TFDP2: variants seen among roughly 807,000 people sequenced by gnomAD.
TFDP2 encodes transcription factor Dp-2 (E2F dimerization partner 2).
Under a neutral mutation model 59.3 loss-of-function variants are expected in TFDP2, and 17 were observed. The observed-to-expected ratio is 0.29, with a 90% confidence interval of 0.20 to 0.43. The LOEUF (loss-of-function observed/expected upper bound fraction) is 0.43. Ranked by LOEUF, TFDP2 falls within the 20% of genes least tolerant of loss-of-function variation. The pLI is 1.00. For missense variants in TFDP2, 391 were observed against 528.8 expected (o/e 0.74, Z 2.56); for synonymous variants, 180 against 194.7 (o/e 0.92, Z 0.63).
chr3:142,087,455 A>C (rs2060837394), intron 3 of TFDP2, among the ~76,000 whole-genome samples: 1 of 151,896 alleles, frequency 6.6e-6, no homozygotes, highest in Non-Finnish European at 1.5e-5. Context: ...CTGAAACATC[A>C]TTATGCAGCA....
At chr3:142,064,659 C>T (rs553553644) in intron 3 of TFDP2, among the ~76,000 whole-genome samples, 1 of 152,080 alleles carries the variant, frequency 6.6e-6, no homozygotes, top group South Asian at 2.1e-4. Flanking sequence ...AAATGGGTCC[C>T]AAATGGACTC....
chr3:142,044,237 T>TG (rs1265751933), intron 3 of TFDP2: 7 of 233,000 alleles, frequency 3.0e-5, no homozygotes, highest in South Asian at 5.2e-5. Flanking sequence ...TTTTTTTTTT[T>TG]TTTTTTTTTT....
rs115834495 is a variant in TFDP2, at chr3:142,143,764, G to A, written c.-93+5419C>T. Among the ~76,000 whole-genome samples the A allele has an allele frequency of 8.9e-4, 135 of 152,234 alleles. 1 individual carries two copies. The highest frequency in any genetic ancestry group is 7.4e-4 in the Non-Finnish European group (50 of 68,002). On this transcript the variant is annotated intron_variant, in intron 1 of 12. Coordinates refer to ENST00000489671, the MANE Select transcript of TFDP2 (RefSeq NM_001178139.2). ...AGACAGACAGTAACAAATACTGGTG[G>A]GGATGTGCAGAGAAGGGAACCTTCT... is the stretch of plus-strand genomic sequence containing the variant.
intron 6 of TFDP2, among the ~76,000 whole-genome samples, chr3:141,984,489 G>A (rs926928787): frequency 2.6e-5 from 4 of 151,532 alleles, no homozygotes; most frequent in Non-Finnish European, 5.9e-5. Context: ...GCGAAACTCC[G>A]TCTCAAAAAA....
intron 3 of TFDP2, among the ~76,000 whole-genome samples, chr3:142,038,608 T>C (rs1946808892): frequency 6.6e-6 from 1 of 152,078 alleles, no homozygotes; most frequent in South Asian, 2.1e-4. Context: ...CACATGCTCA[T>C]GTCAGAAAAA....
At chr3:142,071,298 A>G (rs893004383) in intron 3 of TFDP2, among the ~76,000 whole-genome samples, 1 of 152,044 alleles carries the variant, frequency 6.6e-6, no homozygotes, top group Non-Finnish European at 1.5e-5. Context: ...CTGGGATTAC[A>G]GGCGCACACC....
intron 3 of TFDP2, among the ~76,000 whole-genome samples, chr3:142,010,776 G>A (rs1181722207): frequency 1.2e-4 from 18 of 147,430 alleles, no homozygotes; most frequent in Non-Finnish European, 2.3e-4. Context: ...AAAAGTGGGT[G>A]AAGGACATGA....
chr3:142,024,819 A>C (rs1945937086), intron 3 of TFDP2, among the ~76,000 whole-genome samples: 1 of 152,178 alleles, frequency 6.6e-6, no homozygotes, highest in African/African-American at 2.4e-5. Context: ...CAGGAGTTCG[A>C]GACCAGCCTG....
In TFDP2 at chr3:142,121,061, A is replaced by G. The variant is rs936969071; in HGVS notation, c.-92-19220T>C. ...CAGGAGACAGCAATAGTTTATGATG[A>G]CAGAGAAAAGAACTAGACGTGTGTG... On this transcript the variant is annotated intron_variant, in intron 1 of 12. Coordinates refer to ENST00000489671, the MANE Select transcript of TFDP2 (RefSeq NM_001178139.2). The surrounding 1 kb of genome is among the most constrained non-coding windows in gnomAD (Gnocchi z 4.3). Among the ~76,000 whole-genome samples, 4 of 152,148 alleles carry G rather than the reference A, an allele frequency of 2.6e-5. No homozygotes were observed. Among genetic ancestry groups the G allele is most frequent in the Middle Eastern group, 3.4e-3 (1 of 294 alleles).
chr3:142,005,640 G>A, intron 3 of TFDP2, 96 bp from the exon 4 acceptor site: 1 of 737,404 alleles, frequency 1.4e-6, no homozygotes, highest in Non-Finnish European at 2.1e-6. Flanking sequence ...TTATGTTGAG[G>A]TAATTTATAA....
At chr3:142,127,780 C>T (rs1388770994) in intron 1 of TFDP2, among the ~76,000 whole-genome samples, 2 of 151,636 alleles carry the variant, frequency 1.3e-5, no homozygotes, top group African/African-American at 4.8e-5. Context: ...TAAAATATAT[C>T]TTACATATAT....
intron 11 of TFDP2, among the ~76,000 whole-genome samples, chr3:141,956,194 T>C (rs1254748644): frequency 6.6e-6 from 1 of 152,220 alleles, no homozygotes; most frequent in African/African-American, 2.4e-5. Flanking sequence ...GAAAAAAATC[T>C]TAATTATAGG....
At chr3:142,009,676 C>T (rs1329888554) in intron 3 of TFDP2, among the ~76,000 whole-genome samples, 1 of 149,542 alleles carries the variant, frequency 6.7e-6, no homozygotes, top group Admixed American at 6.7e-5. Flanking sequence ...CGCCACTGCA[C>T]TCCAGCCTGG....
chr3:142,049,537 C>T (rs1947506232), intron 3 of TFDP2, among the ~76,000 whole-genome samples: 1 of 152,126 alleles, frequency 6.6e-6, no homozygotes, highest in African/African-American at 2.4e-5. Flanking sequence ...AAATTGAATG[C>T]TTTTCCCCTA....
At chr3:141,966,961 G>C (rs1317576932) in intron 9 of TFDP2, among the ~76,000 whole-genome samples, 2 of 146,210 alleles carry the variant, frequency 1.4e-5, no homozygotes, top group Non-Finnish European at 3.0e-5. Context: ...CTGTTGCCCA[G>C]GCTGGAGTGC....
intron 4 of TFDP2, among the ~76,000 whole-genome samples, chr3:141,999,944 C>A (rs889994745): frequency 6.6e-6 from 1 of 152,120 alleles, no homozygotes; most frequent in Non-Finnish European, 1.5e-5. Flanking sequence ...ACCTTGTTAG[C>A]CAGGATGGTC....
intron 1 of TFDP2, among the ~76,000 whole-genome samples, chr3:142,115,078 A>G (rs2061802335): frequency 6.6e-6 from 1 of 152,140 alleles, no homozygotes; most frequent in Non-Finnish European, 1.5e-5. Context: ...CACTTCCACT[A>G]CAATTCTAAC....
chr3:142,043,983 T>C lies in TFDP2; in HGVS notation c.83-38439A>G, dbSNP rs61729572. The C allele has an allele frequency of 2.6e-3, 1,876 of 717,386 alleles. 24 individuals are homozygous for C. The African/African-American group carries it at 0.029, about 11-fold the overall frequency. 44.4% of individuals were successfully genotyped at this position (717,386 alleles called of 1,614,324 possible). On this transcript the variant is annotated intron_variant, in intron 3 of 12. Coordinates refer to ENST00000489671, the MANE Select transcript of TFDP2 (RefSeq NM_001178139.2). ...GCTTACCTATGCCACTGTGCCTGCC[T>C]TCCGGCGGGCCAAGGTCTTTTTCCG...
intron 3 of TFDP2, among the ~76,000 whole-genome samples, chr3:142,029,877 G>A (rs959472771): frequency 5.3e-5 from 8 of 152,182 alleles, no homozygotes; most frequent in African/African-American, 1.9e-4. Flanking sequence ...AAAAATCTCT[G>A]TCTTTCGTGA....
Sources: allele counts gnomAD v4.1 joint callset (sites outside exome capture counted in the v4.1 genomes callset), GRCh38; gene constraint gnomAD v4.1.1; non-coding constraint Gnocchi (gnomAD v3.1); transcripts MANE v1.5; gene names NCBI Gene and HGNC (gene_info 2026-07-23, HGNC 2026-07-21).